The following PSD3 variants were observed in gnomAD, a reference collection of about 807,000 sequenced individuals.
PSD3 encodes PH and SEC7 domain-containing protein 3.
A neutral mutation model predicts 105.5 loss-of-function variants in PSD3; 49 were observed. That is an observed-to-expected ratio of 0.46 (90% confidence interval 0.37 to 0.59). The LOEUF (loss-of-function observed/expected upper bound fraction) is 0.59. Ranked by LOEUF, PSD3 falls within the 20% of genes least tolerant of loss-of-function variation. The probability of loss-of-function intolerance (pLI) is 0.00; values close to 1 mark genes in which losing one functional copy is unlikely to be tolerated. For missense variants in PSD3, 1,561 were observed against 1,263.8 expected (o/e 1.24, Z -3.57); for synonymous variants, 557 against 457.8 (o/e 1.22, Z -2.77).
upstream of PSD3, chr8:19,084,800 C>G (rs1829756598): frequency 4.1e-6 from 1 of 246,432 alleles, no homozygotes; most frequent in Non-Finnish European, 8.1e-6. Context: ...CCCAGCCTGC[C>G]AAGAGGCCTG....
At chr8:18,594,534 C>T (rs549266618) in intron 12 of PSD3, among the ~76,000 whole-genome samples, 1 of 145,784 alleles carries the variant, frequency 6.9e-6, no homozygotes, top group Non-Finnish European at 1.5e-5. Flanking sequence ...CACTGCTGGA[C>T]TTGCCTTACA....
At chr8:18,572,371 G>A (rs998775891) in intron 14 of PSD3, among the ~76,000 whole-genome samples, 157 bp downstream of exon 14, 4 of 152,164 alleles carry the variant, frequency 2.6e-5, no homozygotes, top group Non-Finnish European at 5.9e-5. Context: ...GTAAAACCCA[G>A]TGTACTGCAT....
At chr8:18,727,666 A>C (rs149229143) in intron 9 of PSD3, among the ~76,000 whole-genome samples, 1 of 151,618 alleles carries the variant, frequency 6.6e-6, no homozygotes, top group Non-Finnish European at 1.5e-5. Flanking sequence ...GCTGGCTATC[A>C]TTACCCATAT....
At chr8:18,611,094 C>T (rs1278578782) in intron 11 of PSD3, among the ~76,000 whole-genome samples, 2 of 152,012 alleles carry the variant, frequency 1.3e-5, no homozygotes, top group Admixed American at 6.6e-5. Flanking sequence ...ACATGATAAA[C>T]TGTATAAACT....
intron 15 of PSD3, among the ~76,000 whole-genome samples, chr8:18,546,263 C>T (rs1284702795): frequency 6.6e-6 from 1 of 152,142 alleles, no homozygotes; most frequent in Admixed American, 6.5e-5. Flanking sequence ...TCCCAAAGTG[C>T]TGGGATTACA....
rs182614590 is a variant in PSD3, at chr8:18,715,747, C to G, written c.2172+49702G>C. 1.2e-3 allele frequency among the ~76,000 whole-genome samples: 184 copies of G among 152,316 alleles called. 1 individual carries two copies. The highest frequency in any genetic ancestry group is 6.8e-3 in the Middle Eastern group (2 of 294). On this transcript the variant is annotated intron_variant, in intron 9 of 15. Coordinates refer to ENST00000327040, the MANE Select transcript of PSD3 (RefSeq NM_015310.4). ...AACACCACTTACTAATAATACTGCT[C>G]ATTTCTTGAACCCCATTGCAATCTG... is the stretch of plus-strand genomic sequence containing the variant.
chr8:18,960,951 C>T (rs1161223965), intron 1 of PSD3, among the ~76,000 whole-genome samples: 3 of 151,892 alleles, frequency 2.0e-5, no homozygotes, highest in Non-Finnish European at 2.9e-5. Flanking sequence ...GCTGTTGTGG[C>T]ACTGAGCACC....
At chr8:18,998,344 G>A (rs897976180) in intron 1 of PSD3, among the ~76,000 whole-genome samples, 1 of 151,952 alleles carries the variant, frequency 6.6e-6, no homozygotes, top group African/African-American at 2.4e-5. Flanking sequence ...CTCCAAGGGT[G>A]CTAGGCTTTC....
intron 1 of PSD3, among the ~76,000 whole-genome samples, chr8:19,032,427 G>T (rs1331166489): frequency 6.6e-6 from 1 of 152,234 alleles, no homozygotes; most frequent in East Asian, 1.9e-4. Flanking sequence ...AGGATTGCTT[G>T]TGCTCAGTAG....
intron 9 of PSD3, among the ~76,000 whole-genome samples, chr8:18,749,629 T>A (rs1805309614): frequency 1.3e-5 from 2 of 151,870 alleles, no homozygotes; most frequent in African/African-American, 4.8e-5. Flanking sequence ...ACACAAGACC[T>A]TCAAAGAGGA....
chr8:18,757,961 C>T (rs1806195368), intron 9 of PSD3, among the ~76,000 whole-genome samples: 1 of 152,066 alleles, frequency 6.6e-6, no homozygotes. Flanking sequence ...AAACCTCTGG[C>T]TGAATAGACA....
At chr8:18,834,036 A>C (rs1813894685) in intron 4 of PSD3, among the ~76,000 whole-genome samples, 1 of 152,176 alleles carries the variant, frequency 6.6e-6, no homozygotes, top group Admixed American at 6.5e-5. Flanking sequence ...AAAGTACAAA[A>C]TTTTGCTGAG....
At chr8:18,922,810 T>A (rs1340540277) in intron 2 of PSD3, among the ~76,000 whole-genome samples, 1 of 152,162 alleles carries the variant, frequency 6.6e-6, no homozygotes, top group Non-Finnish European at 1.5e-5. Flanking sequence ...TACCAACTTC[T>A]GATAAAGGCT....
chr8:18,914,075 C>A (rs920445591), intron 2 of PSD3, among the ~76,000 whole-genome samples: 2 of 152,126 alleles, frequency 1.3e-5, no homozygotes, highest in South Asian at 4.1e-4. Flanking sequence ...GAGCCAGGAA[C>A]CAGCCTGCCC....
intron 7 of PSD3, chr8:18,800,976 A>C (rs1355375332): frequency 5.4e-6 from 1 of 183,560 alleles, no homozygotes; most frequent in Non-Finnish European, 1.1e-5. Context: ...TGGAAAACAA[A>C]ATAATTTAAG....
chr8:18,698,346 T>G (rs1440888416), intron 9 of PSD3, among the ~76,000 whole-genome samples: 1 of 152,150 alleles, frequency 6.6e-6, no homozygotes, highest in Admixed American at 6.5e-5. Flanking sequence ...CTCTAACTCC[T>G]GGGCTCAAGT....
intron 2 of PSD3, among the ~76,000 whole-genome samples, chr8:18,912,488 T>C (rs963114966): frequency 2.0e-5 from 3 of 152,238 alleles, no homozygotes; most frequent in Non-Finnish European, 4.4e-5. Flanking sequence ...AAAAAATATA[T>C]ATATTCTTTG....
chr8:18,672,720 T>C (rs1345703245), intron 9 of PSD3, among the ~76,000 whole-genome samples: 1 of 152,226 alleles, frequency 6.6e-6, no homozygotes, highest in Non-Finnish European at 1.5e-5. Flanking sequence ...AGGACCAGCC[T>C]TTCACTGATA....
At chr8:18,747,183 T>C (rs1805100630) in intron 9 of PSD3, among the ~76,000 whole-genome samples, 1 of 152,248 alleles carries the variant, frequency 6.6e-6, no homozygotes, top group South Asian at 2.1e-4. Context: ...AAATTGGAGC[T>C]TGGCCTTTTC....
Sources: allele counts gnomAD v4.1 joint callset (sites outside exome capture counted in the v4.1 genomes callset), GRCh38; gene constraint gnomAD v4.1.1; transcripts MANE v1.5; gene names NCBI Gene and HGNC (gene_info 2026-07-23, HGNC 2026-07-21).